Variants in ZHX2 observed in about 807,000 individuals in gnomAD.
ZHX2 encodes the protein zinc fingers and homeoboxes protein 2.
Under a neutral mutation model 21.9 loss-of-function variants are expected in ZHX2, and 6 were observed. The observed-to-expected ratio is 0.27, with a 90% confidence interval of 0.15 to 0.54. The LOEUF (loss-of-function observed/expected upper bound fraction) is 0.54, where lower values mean the gene tolerates loss of function less well. ZHX2 is among the 20% of genes least tolerant of loss of function. The pLI is 0.95. For missense variants in ZHX2, 908 were observed against 1,090.7 expected, an observed-to-expected ratio of 0.83 and a Z score of 2.36; for synonymous variants, 434 against 437.1, an observed-to-expected ratio of 0.99 and a Z score of 0.09.
intron 1 of ZHX2, among the ~76,000 whole-genome samples, chr8:122,811,659 G>C (rs996315407): frequency 1.3e-5 from 2 of 152,220 alleles, no homozygotes; most frequent in Admixed American, 6.5e-5. Context: ...AATGGTCCGT[G>C]AGTGGCTGTC....
chr8:122,901,139 C>A (rs367600518), intron 2 of ZHX2, among the ~76,000 whole-genome samples: 3 of 151,974 alleles, frequency 2.0e-5, no homozygotes, highest in Non-Finnish European at 4.4e-5. Context: ...GAGTAATACA[C>A]GTGGTATTTG....
intron 2 of ZHX2, among the ~76,000 whole-genome samples, chr8:122,932,749 T>C (rs1821023707): frequency 6.6e-6 from 1 of 152,224 alleles, no homozygotes; most frequent in Non-Finnish European, 1.5e-5. Flanking sequence ...TCAAATTCCC[T>C]TTTCACGTCA....
At chr8:122,906,806 G>A (rs561452574) in intron 2 of ZHX2, among the ~76,000 whole-genome samples, 10 of 151,872 alleles carry the variant, frequency 6.6e-5, no homozygotes, top group Admixed American at 3.9e-4. Context: ...GAGTAGCTGG[G>A]ATTACAGGCG....
chr8:122,942,175 G>A (rs1019640229), intron 2 of ZHX2, among the ~76,000 whole-genome samples: 1 of 151,762 alleles, frequency 6.6e-6, no homozygotes, highest in South Asian at 2.1e-4. Flanking sequence ...GCCCCCACCC[G>A]TCACCATTGC....
intron 2 of ZHX2, among the ~76,000 whole-genome samples, chr8:122,947,606 G>A (rs1214444838): frequency 6.6e-6 from 1 of 152,176 alleles, no homozygotes; most frequent in Non-Finnish European, 1.5e-5. Context: ...GAAGAGTGCT[G>A]TGCAGAAAGC....
intron 2 of ZHX2, among the ~76,000 whole-genome samples, chr8:122,871,936 A>G (rs1248166576): frequency 6.6e-6 from 1 of 152,148 alleles, no homozygotes; most frequent in East Asian, 1.9e-4. Flanking sequence ...GGTGATTACC[A>G]ACCTATAGAT....
Position 122,821,506 on chromosome 8 carries a change from T to C in ZHX2, c.-283+39560T>C, listed in dbSNP as rs1818145814. 2.0e-5 allele frequency among the ~76,000 whole-genome samples: 3 copies of C among 151,722 alleles called. No homozygotes were observed. The South Asian group carries it at 6.2e-4, about 32-fold the overall frequency. ...GATAAATCTCATATCTTACATCCTTTGGAGCCTCATTTGAAATCAAACACT... is the reference window on the plus strand; with the variant it reads ...GATAAATCTCATATCTTACATCCTTCGGAGCCTCATTTGAAATCAAACACT... On this transcript the variant is annotated intron_variant, in intron 1 of 3. Transcript: ENST00000314393.
intron 2 of ZHX2, among the ~76,000 whole-genome samples, chr8:122,913,385 A>G (rs1439969478): frequency 1.3e-5 from 2 of 151,974 alleles, no homozygotes; most frequent in South Asian, 2.1e-4. Flanking sequence ...ATTTTACCCT[A>G]CTCCAAAGCC....
intron 2 of ZHX2, among the ~76,000 whole-genome samples, chr8:122,942,088 GAGA>G (rs752218802): frequency 1.5e-4 from 23 of 152,228 alleles, no homozygotes; most frequent in Admixed American, 5.9e-4. Context: ...GGAAACAGAT[GAGA>G]AGAGAGCTGG....
chr8:122,913,295 CT>C (rs1250974401), intron 2 of ZHX2, among the ~76,000 whole-genome samples: 1 of 152,204 alleles, frequency 6.6e-6, no homozygotes, highest in East Asian at 1.9e-4. Flanking sequence ...AACATTTCCA[CT>C]TTTCGACTAT....
At chr8:122,935,873 AC>A (rs1248329624) in intron 2 of ZHX2, among the ~76,000 whole-genome samples, 1 of 150,158 alleles carries the variant, frequency 6.7e-6, no homozygotes, top group African/African-American at 2.5e-5. Context: ...CATTTTGAAA[AC>A]CTCTCTGCAT....
intron 1 of ZHX2, among the ~76,000 whole-genome samples, chr8:122,855,249 G>C (rs1818999229): frequency 6.6e-6 from 1 of 152,178 alleles, no homozygotes; most frequent in Non-Finnish European, 1.5e-5. Context: ...GTTTAATAGA[G>C]GCCAGCATAA....
At chr8:122,816,540 G>A (rs1818039401) in intron 1 of ZHX2, 1 of 151,108 alleles carries the variant, frequency 6.6e-6, no homozygotes, top group African/African-American at 2.4e-5. Context: ...CCGCCTCCTG[G>A]GTTCAAGTGA....
At chr8:122,912,161 G>A (rs975391240) in intron 2 of ZHX2, among the ~76,000 whole-genome samples, 1 of 152,226 alleles carries the variant, frequency 6.6e-6, no homozygotes, top group Non-Finnish European at 1.5e-5. Flanking sequence ...CCCACTGGAT[G>A]TTTTGCCAAT....
At chr8:122,963,964 G>C (rs926103927) in intron 3 of ZHX2, among the ~76,000 whole-genome samples, 3 of 151,964 alleles carry the variant, frequency 2.0e-5, no homozygotes, top group Non-Finnish European at 4.4e-5. Flanking sequence ...GTTGCTATTG[G>C]TGTATGGTAG....
chr8:122,954,874 G>A (rs1308039930), intron 3 of ZHX2, among the ~76,000 whole-genome samples: 2 of 151,490 alleles, frequency 1.3e-5, no homozygotes, highest in Non-Finnish European at 2.9e-5. Context: ...TTTCTTTTTG[G>A]ATTTTTTAAG....
chr8:122,794,997 A>C (rs1463944715), intron 1 of ZHX2, among the ~76,000 whole-genome samples: 1 of 152,226 alleles, frequency 6.6e-6, no homozygotes, highest in African/African-American at 2.4e-5. Flanking sequence ...TCCCTGAAAT[A>C]CTATGAGCCA....
Position 122,825,554 on chromosome 8 carries a change from C to A in ZHX2, c.-282-37923C>A, listed in dbSNP as rs551894495. On this transcript the variant is annotated intron_variant, in intron 1 of 3. Transcript: ENST00000314393. The stretch of plus-strand genomic sequence containing the variant: ...AGGCCTCTCTGAGGTCAAGAGAGAT[C>A]CTGGCCACCATATTTTAGTCCATGT... Among the ~76,000 whole-genome samples, 3 of 152,298 alleles carry A rather than the reference C, an allele frequency of 2.0e-5. No homozygotes were observed. In the East Asian group the frequency reaches 5.8e-4, roughly 29 times the overall value.
intron 1 of ZHX2, among the ~76,000 whole-genome samples, chr8:122,812,380 T>C (rs1206470424): frequency 6.6e-6 from 1 of 152,204 alleles, no homozygotes; most frequent in Non-Finnish European, 1.5e-5. Flanking sequence ...ATCCCTTTCT[T>C]TACGTGAATG....
Sources: allele counts gnomAD v4.1 joint callset (sites outside exome capture counted in the v4.1 genomes callset), GRCh38; gene constraint gnomAD v4.1.1; transcripts MANE v1.5; gene names NCBI Gene and HGNC (gene_info 2026-07-23, HGNC 2026-07-21).